The following PUS10 variants were observed in gnomAD, a reference collection of about 807,000 sequenced individuals.
PUS10 encodes the protein pseudouridine synthase 10.
Under a neutral mutation model 75.0 loss-of-function variants are expected in PUS10, and 59 were observed. The observed-to-expected ratio is 0.79, with a 90% CI of 0.64 to 0.98. The LOEUF (loss-of-function observed/expected upper bound fraction) is 0.98. Ranked by LOEUF, PUS10 falls within the 50% of genes least tolerant of loss-of-function variation. PUS10 has a pLI of 0.00. For missense variants in PUS10, 650 were observed against 614.4 expected (o/e 1.06, Z -0.61); for synonymous variants, 219 against 211.6 (o/e 1.03, Z -0.30).
intron 8 of PUS10, among the ~76,000 whole-genome samples, chr2:60,964,739 G>A (rs1242361702): frequency 6.6e-6 from 1 of 152,144 alleles, no homozygotes; most frequent in Non-Finnish European, 1.5e-5. Context: ...TGTAATTTGA[G>A]GGATTAAAAT....
intron 15 of PUS10, among the ~76,000 whole-genome samples, chr2:60,951,857 TA>T (rs1410619027): frequency 4.6e-5 from 7 of 152,236 alleles, no homozygotes; most frequent in Non-Finnish European, 1.0e-4. Context: ...TGTCAATAAA[TA>T]TTTATCTACC....
intron 4 of PUS10, among the ~76,000 whole-genome samples, chr2:60,997,438 G>A (rs534135712): frequency 1.1e-4 from 17 of 152,086 alleles, no homozygotes; most frequent in East Asian, 7.8e-4. Context: ...GTGAAACCTC[G>A]TCTGTACTAA....
At chr2:60,993,989 C>T (rs1678284664) in intron 4 of PUS10, among the ~76,000 whole-genome samples, 2 of 152,064 alleles carry the variant, frequency 1.3e-5, no homozygotes, top group Non-Finnish European at 2.9e-5. Context: ...TGGGGTTTCA[C>T]CCTGTTAGCC....
intron 4 of PUS10, among the ~76,000 whole-genome samples, chr2:60,980,049 G>A (rs1269711171): frequency 6.6e-6 from 1 of 152,198 alleles, no homozygotes; most frequent in African/African-American, 2.4e-5. Flanking sequence ...CAAGTGGGGT[G>A]GGGTAGGAGT....
At chr2:61,003,570 G>A (rs1423903255) in intron 4 of PUS10, among the ~76,000 whole-genome samples, 2 of 151,004 alleles carry the variant, frequency 1.3e-5, no homozygotes, top group Non-Finnish European at 2.9e-5. Context: ...TTTGAGACAG[G>A]GTCTTGCCCT....
At chr2:60,983,286 C>G (rs1478789418) in intron 4 of PUS10, among the ~76,000 whole-genome samples, 2 of 152,098 alleles carry the variant, frequency 1.3e-5, no homozygotes, top group Non-Finnish European at 1.5e-5. Context: ...GTTTACTTGA[C>G]TACAAAATAG....
chr2:61,011,698 G>T, intron 2 of PUS10, 67 bp downstream of exon 2: 3 of 1,195,502 alleles, frequency 2.5e-6, no homozygotes, highest in South Asian at 3.5e-5. Flanking sequence ...AAAAGTACAA[G>T]CATTCATTGT....
At chr2:60,944,500 A>G (rs915631878) in intron 17 of PUS10, among the ~76,000 whole-genome samples, 9 of 152,222 alleles carry the variant, frequency 5.9e-5, no homozygotes, top group African/African-American at 1.9e-4. Flanking sequence ...TTGATACTCA[A>G]ATGAAATATT....
chr2:60,962,937 A>C, intron 8 of PUS10, 47 bp from the exon 9 acceptor site: 1 of 1,502,448 alleles, frequency 6.7e-7, no homozygotes, highest in Non-Finnish European at 8.8e-7. Context: ...TATCCAGACA[A>C]GAAAACATCA....
At chr2:60,992,564 C>T (rs1463029137) in intron 4 of PUS10, among the ~76,000 whole-genome samples, 3 of 151,982 alleles carry the variant, frequency 2.0e-5, no homozygotes, top group Non-Finnish European at 4.4e-5. Context: ...ATCATAACAC[C>T]CCAGCCTCAC....
chr2:60,996,488 G>A (rs1337676877), intron 4 of PUS10, among the ~76,000 whole-genome samples: 1 of 152,030 alleles, frequency 6.6e-6, no homozygotes, highest in East Asian at 1.9e-4. Flanking sequence ...GTTCATGAGT[G>A]TATGGCTTAA....
At chr2:61,009,373 G>C (rs1016215760) in intron 2 of PUS10, among the ~76,000 whole-genome samples, 1 of 152,100 alleles carries the variant, frequency 6.6e-6, no homozygotes, top group East Asian at 1.9e-4. Context: ...TAGTTCTAAT[G>C]ATTAACATAT....
chr2:60,944,150 T>A, intron 17 of PUS10: 1 of 835,852 alleles, frequency 1.2e-6, no homozygotes, highest in Non-Finnish European at 1.4e-6. Context: ...AGATGATGAG[T>A]AGAGATTTTC....
intron 1 of PUS10, 110 bp downstream of exon 1, chr2:61,017,898 G>A (rs2104788294): frequency 6.6e-7 from 1 of 1,518,698 alleles, no homozygotes. Context: ...GCCCGAGCGG[G>A]GACTTGGCAG....
At chr2:60,974,725 C>T (rs1026030527) in intron 4 of PUS10, among the ~76,000 whole-genome samples, 1 of 152,236 alleles carries the variant, frequency 6.6e-6, no homozygotes, top group African/African-American at 2.4e-5. Context: ...CTCAGCTTCA[C>T]AGGGAGCCAT....
chr2:60,969,748 G>T (rs1481657368), intron 5 of PUS10, among the ~76,000 whole-genome samples: 1 of 152,142 alleles, frequency 6.6e-6, no homozygotes, highest in African/African-American at 2.4e-5. Flanking sequence ...CCCTATATCA[G>T]TCAGAATCTT....
chr2:60,959,402 A>G (rs1194193289), intron 11 of PUS10, among the ~76,000 whole-genome samples: 1 of 152,018 alleles, frequency 6.6e-6, no homozygotes, highest in African/African-American at 2.4e-5. Flanking sequence ...TTTATTTTTT[A>G]TTTTTTTAGG....
At chr2:60,950,715 G>A (rs115912673) in intron 15 of PUS10, among the ~76,000 whole-genome samples, 2,528 of 152,120 alleles carry the variant, frequency 0.017, 25 homozygotes, top group Non-Finnish European at 0.024. Flanking sequence ...CACCATGCCC[G>A]GCCTGATTTT....
chr2:60,953,462 G>A (rs1675467772), intron 14 of PUS10, among the ~76,000 whole-genome samples: 1 of 152,096 alleles, frequency 6.6e-6, no homozygotes, highest in Non-Finnish European at 1.5e-5. Context: ...TTGGTGACTG[G>A]CTCCTTTCAT....
Sources: gnomAD v4.1 joint callset for allele counts (sites outside exome capture counted in the v4.1 genomes callset) on GRCh38, gnomAD v4.1.1 for gene constraint, MANE v1.5 for transcripts, NCBI Gene and HGNC (gene_info 2026-07-23, HGNC 2026-07-21) for gene names.